BMPR1B: variants seen among roughly 807,000 people sequenced by gnomAD.
BMPR1B encodes bone morphogenetic protein receptor type-1B.
In BMPR1B, 12 loss-of-function variants were observed where a neutral mutation model predicts 59.1. The observed-to-expected ratio is 0.20, with a 90% confidence interval of 0.13 to 0.33. The LOEUF (loss-of-function observed/expected upper bound fraction) is 0.33. BMPR1B is among the 10% of genes least tolerant of loss of function. BMPR1B has a pLI of 1.00. For missense variants in BMPR1B, 550 were observed against 610.9 expected, an observed-to-expected ratio of 0.90 and a Z score of 1.05; for synonymous variants, 237 against 207.3, an observed-to-expected ratio of 1.14 and a Z score of -1.23.
At chr4:94,894,084 G>A (rs1727495930) in intron 2 of BMPR1B, among the ~76,000 whole-genome samples, 1 of 152,040 alleles carries the variant, frequency 6.6e-6, no homozygotes, top group South Asian at 2.1e-4. Context: ...GCAGGGCACT[G>A]CTAATATTTT....
chr4:94,842,384 CTATT>C (rs1457765777), intron 1 of BMPR1B, among the ~76,000 whole-genome samples: 1 of 152,166 alleles, frequency 6.6e-6, no homozygotes, highest in East Asian at 1.9e-4. Flanking sequence ...ACACTGAAAA[CTATT>C]TGTTAAATAC....
intron 1 of BMPR1B, among the ~76,000 whole-genome samples, chr4:94,869,430 G>C (rs550746503): frequency 2.1e-4 from 32 of 152,188 alleles, no homozygotes; most frequent in African/African-American, 7.7e-4. Flanking sequence ...TCTCTTAAAT[G>C]ATCAAATGTA....
At chr4:95,103,231 A>G (rs73839208) in intron 3 of BMPR1B, among the ~76,000 whole-genome samples, 6,504 of 152,182 alleles carry the variant, frequency 0.043, 466 homozygotes, top group African/African-American at 0.15. Context: ...AAATTATCAC[A>G]GATTAAAAAA....
chr4:94,896,246 A>G (rs977978802), intron 2 of BMPR1B, among the ~76,000 whole-genome samples: 2 of 152,024 alleles, frequency 1.3e-5, no homozygotes, highest in Non-Finnish European at 2.9e-5. Flanking sequence ...AATTAGTCAT[A>G]TATAAGTCTG....
Position 95,125,074 on chromosome 4 carries a change from A to G in BMPR1B, c.538A>G (p.Ile180Val). The G allele has an allele frequency of 6.2e-7, 1 of 1,613,834 alleles. No individual in the cohort carries two copies. The highest frequency in any genetic ancestry group is 1.7e-5 in the Admixed American group (1 of 59,962). ...IPPGESLRDL[I>V]EQSQSSGSGS... ...TCCTGGAGAATCCCTGAGAGACTTAATTGAGCAGTCTCAGAGCTCAGGAAG... is the reference window on the plus strand; with the variant it reads ...TCCTGGAGAATCCCTGAGAGACTTAGTTGAGCAGTCTCAGAGCTCAGGAAG... The change falls in exon 8 of 13, where the codon ATT (isoleucine) becomes GTT (valine). Residue 180 changes from isoleucine (I) to valine (V), a missense_variant. By Grantham distance (29) the Ile-to-Val change is conservative. Transcript: ENST00000515059.
chr4:94,797,024 G>T (rs1394917235), intron 1 of BMPR1B, among the ~76,000 whole-genome samples: 1 of 152,124 alleles, frequency 6.6e-6, no homozygotes, highest in Non-Finnish European at 1.5e-5. Flanking sequence ...ACATAAGACT[G>T]GGAAGAAAAA....
At chr4:94,999,589 C>CA (rs1722297955) in intron 3 of BMPR1B, among the ~76,000 whole-genome samples, 1 of 151,962 alleles carries the variant, frequency 6.6e-6, no homozygotes, top group African/African-American at 2.4e-5. Context: ...TGAAGTCTGT[C>CA]AAAAAAACCA....
rs892066962 is a variant in BMPR1B, at chr4:94,875,826, G to A, written c.-182-5G>A. 6.6e-6 allele frequency: 1 copy of A among 152,528 alleles called. No individual in the cohort carries two copies. Among genetic ancestry groups the A allele is most frequent in the Non-Finnish European group, 1.5e-5 (1 of 68,008 alleles). 9.4% of individuals were successfully genotyped at this position (152,528 alleles called of 1,614,324 possible). On this transcript the variant is annotated splice_polypyrimidine_tract_variant and splice_region_variant and intron_variant, in intron 1 of 12. Coordinates refer to ENST00000515059, the MANE Select transcript of BMPR1B (RefSeq NM_001203.3). The stretch of plus-strand genomic sequence containing the variant: ...GCAATTCAGTTTTTGTCTCTTTGTT[G>A]ACAGGGTGGAGTTCAGCCTACTCTT...
intron 2 of BMPR1B, among the ~76,000 whole-genome samples, chr4:94,913,968 C>T (rs1486088380): frequency 6.6e-6 from 1 of 152,052 alleles, no homozygotes; most frequent in African/African-American, 2.4e-5. Flanking sequence ...AGGGTAGGTC[C>T]TATGGAAATA....
chr4:95,102,365 A>G (rs1730885593), intron 3 of BMPR1B, among the ~76,000 whole-genome samples: 2 of 152,232 alleles, frequency 1.3e-5, no homozygotes, highest in Non-Finnish European at 2.9e-5. Flanking sequence ...AATTCATCCT[A>G]GTTAAACAGG....
intron 8 of BMPR1B, among the ~76,000 whole-genome samples, chr4:95,128,384 A>G (rs570182042): frequency 6.6e-6 from 1 of 152,228 alleles, no homozygotes; most frequent in Non-Finnish European, 1.5e-5. Flanking sequence ...ATCAGGTGTT[A>G]TAAGAGTTAT....
At chr4:94,776,467 G>T (rs1722373329) in intron 1 of BMPR1B, among the ~76,000 whole-genome samples, 1 of 152,092 alleles carries the variant, frequency 6.6e-6, no homozygotes, top group East Asian at 1.9e-4. Flanking sequence ...TTCTCATTTT[G>T]CTCACTTACA....
chr4:94,988,477 A>G (rs1721543160), intron 2 of BMPR1B, among the ~76,000 whole-genome samples: 2 of 152,196 alleles, frequency 1.3e-5, no homozygotes, highest in South Asian at 4.1e-4. Flanking sequence ...ATTTCTATTG[A>G]TAAATGATAA....
chr4:95,148,715 A>G (rs1734820748), intron 10 of BMPR1B, 33 bp from the exon 11 acceptor site: 2 of 1,605,774 alleles, frequency 1.2e-6, no homozygotes, highest in Admixed American at 1.7e-5. Context: ...GTCCTCTTCA[A>G]TGCTGTAATG....
intron 2 of BMPR1B, among the ~76,000 whole-genome samples, chr4:94,944,837 A>T (rs1000067601): frequency 3.9e-5 from 6 of 152,228 alleles, no homozygotes; most frequent in African/African-American, 1.4e-4. Flanking sequence ...GAATGGCCTG[A>T]CTGTATGGGA....
At chr4:95,117,731 C>A (rs7441170) in intron 6 of BMPR1B, among the ~76,000 whole-genome samples, 2,620 of 152,064 alleles carry the variant, frequency 0.017, 76 homozygotes, top group African/African-American at 0.06. Flanking sequence ...CATTACATTG[C>A]GCTACAGTCC....
At chr4:95,041,619 T>TA in intron 3 of BMPR1B, among the ~76,000 whole-genome samples, 1 of 151,612 alleles carries the variant, frequency 6.6e-6, no homozygotes, top group East Asian at 2.0e-4. Context: ...GACTTTTTTT[T>TA]TTTTTGGCCC....
At chr4:94,832,372 C>T (rs776624577) in intron 1 of BMPR1B, among the ~76,000 whole-genome samples, 1 of 152,130 alleles carries the variant, frequency 6.6e-6, no homozygotes. Flanking sequence ...ATTATTTACT[C>T]CTGACACTAT....
chr4:94,914,096 A>T (rs1042491918), intron 2 of BMPR1B, among the ~76,000 whole-genome samples: 5 of 152,166 alleles, frequency 3.3e-5, no homozygotes, highest in African/African-American at 1.2e-4. Flanking sequence ...TAATACAGGC[A>T]GGTCATTAAA....
Sources: gnomAD v4.1 joint callset for allele counts (sites outside exome capture counted in the v4.1 genomes callset) on GRCh38, gnomAD v4.1.1 for gene constraint, MANE v1.5 for transcripts, NCBI Gene and HGNC (gene_info 2026-07-23, HGNC 2026-07-21) for gene names.